The following NUMB variants were observed in gnomAD, a reference collection of about 807,000 sequenced individuals.
NUMB encodes protein numb homolog.
NUMB carries 29 observed loss-of-function variants against 59.7 expected under a neutral mutation model. That is an observed-to-expected ratio of 0.49 (90% CI 0.36 to 0.66). The LOEUF (loss-of-function observed/expected upper bound fraction) is 0.66. NUMB is among the 30% of genes least tolerant of loss of function. The pLI is 0.00. For synonymous variants in NUMB, 288 were observed against 288.2 expected (o/e 1.00, Z 0.01); for missense variants, 723 against 822.0 (o/e 0.88, Z 1.47).
chr14:73,292,882 A>G lies in NUMB; in HGVS notation c.310-8T>C, dbSNP rs1210073257. ...CTGGTCAACTATGAGGTCCTAGAAA[A>G]TACGACACACAAAGAAAGAGAAGAC... On this transcript the variant is annotated splice_region_variant and splice_polypyrimidine_tract_variant and intron_variant, in intron 7 of 12. Coordinates refer to ENST00000555238, the MANE Select transcript of NUMB (RefSeq NM_001005743.2). 3.7e-6 allele frequency: 6 copies of G among 1,613,748 alleles called. No homozygotes were observed. Among genetic ancestry groups the G allele is most frequent in the Non-Finnish European group, 5.1e-6 (6 of 1,179,862 alleles).
intron 4 of NUMB, among the ~76,000 whole-genome samples, chr14:73,347,149 T>C (rs1480538525): frequency 3.3e-5 from 5 of 152,120 alleles, no homozygotes; most frequent in African/African-American, 1.2e-4. Context: ...TTTAAATGAG[T>C]ACACTTCATG....
chr14:73,369,016 G>C (rs1362940656), intron 2 of NUMB, among the ~76,000 whole-genome samples: 1 of 150,986 alleles, frequency 6.6e-6, no homozygotes, highest in Admixed American at 6.7e-5. Flanking sequence ...TAATAAAAAT[G>C]TACTAAATAA....
rs1032922920 is a variant in NUMB, at chr14:73,435,361, C to T, written c.-233+23132G>A. 5.3e-5 allele frequency among the ~76,000 whole-genome samples: 8 copies of T among 151,314 alleles called. No homozygotes were observed. In the South Asian group the frequency reaches 1.0e-3, roughly 20 times the overall value. On this transcript the variant is annotated intron_variant, in intron 1 of 12. Transcript: ENST00000555238. ...CGATCTCGACTCACTACAAGCTCCACCTCCCAGGTTCACGCCATTCTCCTG... is the reference window on the plus strand; with the variant it reads ...CGATCTCGACTCACTACAAGCTCCATCTCCCAGGTTCACGCCATTCTCCTG...
chr14:73,306,478 G>A (rs17781962), intron 6 of NUMB, among the ~76,000 whole-genome samples: 23,793 of 152,130 alleles, frequency 0.16, 2,690 homozygotes, highest in Non-Finnish European at 0.23. Flanking sequence ...ATCCATGAAC[G>A]AAATCTGGGT....
At position 73,306,855 on chromosome 14, in the gene NUMB, A is replaced by G. The variant is rs189695598; in HGVS notation, c.234+9535T>C. The stretch of plus-strand genomic sequence containing the variant: ...TTACGCATTAATTCAAATATTTTGG[A>G]GCAGCTACTATGGACCACAAATTAT... On this transcript the variant is annotated intron_variant, in intron 6 of 12. Transcript: ENST00000555238. 2.1e-3 allele frequency among the ~76,000 whole-genome samples: 313 copies of G among 152,328 alleles called. 1 individual carries two copies. Among genetic ancestry groups the G allele is most frequent in the Non-Finnish European group, 3.8e-3 (256 of 68,032 alleles).
At chr14:73,378,081 GATTTAAAAATCGGCAAAGACTTGAACAT>G (rs1454962390) in intron 2 of NUMB, among the ~76,000 whole-genome samples, 1 of 151,216 alleles carries the variant, frequency 6.6e-6, no homozygotes, top group Non-Finnish European at 1.5e-5. Flanking sequence ...CTAACAACCT[GATTTAAAAATCGGCAAAGACTTGAACAT>G]ATTTCACTAA....
At chr14:73,349,615 C>G (rs1285474465) in intron 4 of NUMB, among the ~76,000 whole-genome samples, 1 of 148,302 alleles carries the variant, frequency 6.7e-6, no homozygotes, top group East Asian at 2.0e-4. Flanking sequence ...CGCGGTGGCT[C>G]ACACCTGTAA....
chr14:73,382,254 C>T (rs549649544), intron 2 of NUMB, among the ~76,000 whole-genome samples: 54 of 152,284 alleles, frequency 3.5e-4, no homozygotes, highest in African/African-American at 1.1e-3. Flanking sequence ...TCGAGTGATT[C>T]TCCTGCCTCA....
At chr14:73,359,735 A>G (rs1049896154) in intron 3 of NUMB, among the ~76,000 whole-genome samples, 2 of 152,148 alleles carry the variant, frequency 1.3e-5, no homozygotes, top group African/African-American at 4.8e-5. Flanking sequence ...AATGCCACTG[A>G]AAAAATTACA....
chr14:73,398,415 A>AGAGAGAGAGAGAGT (rs1438462148), intron 2 of NUMB, among the ~76,000 whole-genome samples: 3 of 118,804 alleles, frequency 2.5e-5, no homozygotes, highest in African/African-American at 1.0e-4. Flanking sequence ...AGAGAGAGAG[A>AGAGAGAGAGAGAGT]GTGTGTGTGT....
intron 2 of NUMB, among the ~76,000 whole-genome samples, chr14:73,386,208 C>G (rs1895516286): frequency 6.6e-6 from 1 of 152,114 alleles, no homozygotes; most frequent in Non-Finnish European, 1.5e-5. Context: ...TGTGAACAGC[C>G]ACTGCACTCC....
intron 2 of NUMB, among the ~76,000 whole-genome samples, chr14:73,395,741 G>C (rs1896098418): frequency 6.6e-6 from 1 of 152,168 alleles, no homozygotes; most frequent in Non-Finnish European, 1.5e-5. Context: ...ATTAAAAGTA[G>C]GTATTCATAT....
At chr14:73,403,657 T>A (rs187707069) in intron 2 of NUMB, among the ~76,000 whole-genome samples, 2 of 152,240 alleles carry the variant, frequency 1.3e-5, no homozygotes, top group African/African-American at 4.8e-5. Flanking sequence ...AACAATAATA[T>A]AAGCCTTCAA....
chr14:73,337,092 C>T (rs115480775), intron 4 of NUMB, among the ~76,000 whole-genome samples: 7,796 of 151,432 alleles, frequency 0.051, 656 homozygotes, highest in African/African-American at 0.18. Context: ...ATTAGCCGGG[C>T]GTGGTGGTGC....
At chr14:73,409,874 C>A (rs1566784921) in intron 2 of NUMB, 63 bp downstream of exon 2, 2 of 152,216 alleles carry the variant, frequency 1.3e-5, no homozygotes, top group African/African-American at 4.8e-5. Flanking sequence ...TAACTACAAA[C>A]TGGAAGAAAG....
intron 5 of NUMB, 22 bp downstream of exon 5, chr14:73,323,108 C>G (rs777328370): frequency 4.4e-6 from 7 of 1,582,278 alleles, no homozygotes; most frequent in Non-Finnish European, 6.1e-6. Flanking sequence ...TAGATCAACA[C>G]TGGCAACCAT....
chr14:73,318,366 T>G (rs1891197624), intron 5 of NUMB, among the ~76,000 whole-genome samples: 1 of 152,234 alleles, frequency 6.6e-6, no homozygotes, highest in Non-Finnish European at 1.5e-5. Flanking sequence ...TAAAAACATT[T>G]GTTATGATTC....
intron 12 of NUMB, 65 bp downstream of exon 12, chr14:73,279,216 G>C: frequency 1.3e-6 from 2 of 1,591,402 alleles, no homozygotes; most frequent in Non-Finnish European, 1.7e-6. Flanking sequence ...CTAACTGGCT[G>C]AGTTTTAGAA....
chr14:73,349,400 C>G (rs146165839), intron 4 of NUMB, among the ~76,000 whole-genome samples: 2 of 151,834 alleles, frequency 1.3e-5, no homozygotes, highest in East Asian at 3.9e-4. Flanking sequence ...CCAGCCTGGC[C>G]AACATGGTGA....
Sources: allele counts gnomAD v4.1 joint callset (sites outside exome capture counted in the v4.1 genomes callset), GRCh38; gene constraint gnomAD v4.1.1; transcripts MANE v1.5; gene names NCBI Gene and HGNC (gene_info 2026-07-23, HGNC 2026-07-21).